The following CACNA1G variants were observed in gnomAD, a reference collection of about 807,000 sequenced individuals.
The protein encoded by CACNA1G is calcium voltage-gated channel subunit alpha1 G.
CACNA1G carries 67 observed loss-of-function variants against 219.4 expected under a neutral mutation model. That is an observed-to-expected ratio of 0.31 (90% CI 0.25 to 0.37). CACNA1G has a LOEUF of 0.37. Ranked by LOEUF, CACNA1G falls within the 10% of genes least tolerant of loss-of-function variation. The pLI, the probability that CACNA1G is intolerant of heterozygous loss-of-function variation, is 1.00. For synonymous variants in CACNA1G, 1,296 were observed against 1,345.3 expected (o/e 0.96, Z 0.80); for missense variants, 2,380 against 3,231.4 (o/e 0.74, Z 6.39).
chr17:50,569,316 G>A lies in CACNA1G; in HGVS notation c.488+18G>A. The A allele has an allele frequency of 6.2e-7, 1 of 1,613,026 alleles. No homozygotes were observed. Among genetic ancestry groups the A allele is most frequent in the Non-Finnish European group, 8.5e-7 (1 of 1,179,714 alleles). ...ATCGCAGGGTGAGGACCTGGGCTGG[G>A]GTGGGAGAGCAATGGATCAGATCGG... On this transcript the variant is annotated intron_variant, in intron 3 of 37. Transcript: ENST00000359106.
chr17:50,613,572 G>A (rs542145078), intron 26 of CACNA1G, among the ~76,000 whole-genome samples: 12 of 152,234 alleles, frequency 7.9e-5, no homozygotes, highest in Admixed American at 7.2e-4. Context: ...GGGAGAGGAG[G>A]GCAACTCTCC....
Position 50,572,583 on chromosome 17 carries a change from A to T in CACNA1G, c.776A>T (p.Tyr259Phe). The change falls in exon 6 of 38, where the codon TAC becomes TTC. Residue 259 changes from tyrosine to phenylalanine, a missense_variant. Physicochemically the swap from Tyr to Phe is conservative, Grantham distance 22. Transcript: ENST00000359106. ...LPLSVDLERY[Y>F]QTENEDESPF... ...CTGAGCGTGGACCTGGAGCGCTATT[A>T]CCAGACAGAGAACGAGGATGAGAGC... 6.3e-7 allele frequency: 1 copy of T among 1,576,894 alleles called. No homozygotes were observed. The highest frequency in any genetic ancestry group is 8.6e-7 in the Non-Finnish European group (1 of 1,161,726).
Position 50,626,157 on chromosome 17 carries a change from C to G in CACNA1G, c.6540C>G (p.His2180Gln), listed in dbSNP as rs765221852. ...WGQSSTQAQQ[H>Q]SRSHSKISKH... ...AGTCAAGTACCCAGGCACAGCAGCA[C>G]TCCCGCAGCCACAGCAAGATCTCCA... is the stretch of plus-strand genomic sequence containing the variant. The change falls in exon 38 of 38, where the codon CAC becomes CAG. Residue 2180 changes from histidine to glutamine, a missense_variant. By Grantham distance (24) the His-to-Gln change is conservative (BLOSUM62 0). This residue lies in a region of CACNA1G where 672 missense variants were observed against 670.5 expected (regional missense o/e 1.00). Coordinates refer to ENST00000359106, the MANE Select transcript of CACNA1G (RefSeq NM_018896.5). This position sits in a 1 kb window ranked among gnomAD's most constrained non-coding sequence, Gnocchi z 4.3. The G allele has an allele frequency of 1.2e-5, 19 of 1,613,702 alleles. No individual in the cohort carries two copies. In the South Asian group the frequency reaches 2.0e-4, roughly 17 times the overall value.
Position 50,599,653 on chromosome 17 carries a change from G to A in CACNA1G, c.3484G>A (p.Gly1162Arg), listed in dbSNP as rs780935785. Residue 1162 changes from glycine to arginine, a missense_variant, in exon 17 of 38, where the codon GGG (glycine) becomes AGG (arginine). Physicochemically the swap from Gly to Arg is moderately radical, Grantham distance 125. Around this residue, in one of 17 missense-constraint regions of CACNA1G, gnomAD observed 418 missense variants for 434.3 expected, o/e 0.96. Transcript: ENST00000359106. Reference protein sequence around the residue: ...SPAGSDHRHRGSLEREAKSSF... With the variant: ...SPAGSDHRHRRSLEREAKSSF... ...TGCGGGCAGTGACCATCGCCACAGGGGGTCCCTGGAGCGGGAGGCCAAGAG... is the reference window on the plus strand; with the variant it reads ...TGCGGGCAGTGACCATCGCCACAGGAGGTCCCTGGAGCGGGAGGCCAAGAG... The A allele has an allele frequency of 1.2e-6, 2 of 1,613,114 alleles. No homozygotes were observed. The highest frequency in any genetic ancestry group is 8.5e-7 in the Non-Finnish European group (1 of 1,179,570).
chr17:50,575,184 G>A (rs1411032152), intron 7 of CACNA1G, among the ~76,000 whole-genome samples: 1 of 152,214 alleles, frequency 6.6e-6, no homozygotes, highest in Non-Finnish European at 1.5e-5. Context: ...AAGGGGTGCT[G>A]CGTCTCTGCA....
chr17:50,576,018 C>G lies in CACNA1G; in HGVS notation c.1616C>G (p.Thr539Arg), dbSNP rs368633652. The G allele has an allele frequency of 1.3e-6, 2 of 1,562,236 alleles. No individual in the cohort carries two copies. Among genetic ancestry groups the G allele is most frequent in the African/African-American group, 1.4e-5 (1 of 73,554 alleles). Residue 539 changes from threonine (T) to arginine (R), a missense_variant, in exon 8 of 38, where the codon ACG (threonine) becomes AGG (arginine). This residue lies in a region of CACNA1G where 434 missense variants were observed against 417.3 expected (regional missense o/e 1.04). Coordinates refer to ENST00000359106, the MANE Select transcript of CACNA1G (RefSeq NM_018896.5). ...SRRLMLPPPS[T>R]PALSGAPPGG... ...CGGCTCATGCTGCCACCACCCTCGA[C>G]GCCTGCCCTCTCCGGGGCCCCCCCT...
At chr17:50,597,023 C>A in intron 16 of CACNA1G, 100 bp downstream of exon 16, 1 of 1,135,214 alleles carries the variant, frequency 8.8e-7, no homozygotes. Flanking sequence ...ACAGCCCCTG[C>A]CCCATGGGCT....
At position 50,561,376 on chromosome 17, in the gene CACNA1G, G is replaced by C. The variant is rs2035538508; in HGVS notation, c.-84G>C. ...GCCCACCAGATGTGCCCCCGCCGGGGCCCCCGGGTTGCGTGAGGACACCTC... is the reference window on the plus strand; with the variant it reads ...GCCCACCAGATGTGCCCCCGCCGGGCCCCCCGGGTTGCGTGAGGACACCTC... On this transcript the variant is annotated 5_prime_UTR_variant, in exon 1 of 38. Coordinates refer to ENST00000359106, the MANE Select transcript of CACNA1G (RefSeq NM_018896.5). The C allele has an allele frequency of 2.6e-6, 4 of 1,517,344 alleles. No homozygotes were observed. The African/African-American group carries it at 4.1e-5, about 16-fold the overall frequency. 94.0% of individuals were successfully genotyped at this position (1,517,344 alleles called of 1,614,324 possible). A position where few individuals can be genotyped will look rare whatever the true frequency, so the allele number is the denominator to read the frequency against.
chr17:50,577,782 G>T (rs1250519772), intron 8 of CACNA1G, among the ~76,000 whole-genome samples: 2 of 152,134 alleles, frequency 1.3e-5, no homozygotes, highest in Non-Finnish European at 2.9e-5. Flanking sequence ...GGGTGTGTGT[G>T]CAAGTGCACG....
Position 50,618,871 on chromosome 17 carries a change from C to T in CACNA1G, c.5644C>T (p.Pro1882Ser). The T allele has an allele frequency of 6.2e-7, 1 of 1,612,772 alleles. No homozygotes were observed. The highest frequency in any genetic ancestry group is 1.1e-5 in the South Asian group (1 of 91,022). ...GGAGATGAAGACCCTCAGCCCCCAGCCCCACTCGCCACTGGGCAGCCCCTT... is the reference window on the plus strand; with the variant it reads ...GGAGATGAAGACCCTCAGCCCCCAGTCCCACTCGCCACTGGGCAGCCCCTT... ...ELEMKTLSPQ[P>S]HSPLGSPFLW... The change falls in exon 33 of 38, where the codon CCC becomes TCC. Residue 1882 changes from proline to serine, a missense_variant. Transcript: ENST00000359106. The surrounding 1 kb of genome is among the most constrained non-coding windows in gnomAD (Gnocchi z 5.3).
chr17:50,605,825 G>T (rs553033728), intron 22 of CACNA1G, 73 bp from the exon 23 acceptor site: 177 of 1,560,640 alleles, frequency 1.1e-4, no homozygotes, highest in South Asian at 1.0e-3. Flanking sequence ...CTGGCGTGGG[G>T]GTGGGGCTCA....
chr17:50,572,874 G>T lies in CACNA1G; in HGVS notation c.1047+20G>T. On this transcript the variant is annotated intron_variant, in intron 6 of 37. Coordinates refer to ENST00000359106, the MANE Select transcript of CACNA1G (RefSeq NM_018896.5). Reference sequence around the variant, plus strand: ...TTCCAGGTGGGGCAGCCTGGGCCCCGGGAGCTTCCCCAGAACACCAGCCCC... The same window carrying T: ...TTCCAGGTGGGGCAGCCTGGGCCCCTGGAGCTTCCCCAGAACACCAGCCCC... 6.2e-7 allele frequency: 1 copy of T among 1,606,064 alleles called. No homozygotes were observed. The highest frequency in any genetic ancestry group is 8.5e-7 in the Non-Finnish European group (1 of 1,175,622).
chr17:50,581,710 G>A (rs989697608), intron 9 of CACNA1G, among the ~76,000 whole-genome samples: 4 of 152,234 alleles, frequency 2.6e-5, no homozygotes, highest in African/African-American at 9.6e-5. Flanking sequence ...GAGGGCTGGT[G>A]AGAAGGACAA....
intron 9 of CACNA1G, among the ~76,000 whole-genome samples, chr17:50,583,341 T>C (rs1315787976): frequency 6.6e-6 from 1 of 152,178 alleles, no homozygotes; most frequent in East Asian, 1.9e-4. Context: ...AGGTGTTCTC[T>C]TGTTCTTTTA....
chr17:50,572,664 C>T lies in CACNA1G; in HGVS notation c.857C>T (p.Pro286Leu). The T allele has an allele frequency of 6.2e-7, 1 of 1,608,874 alleles. No homozygotes were observed. The highest frequency in any genetic ancestry group is 8.5e-7 in the Non-Finnish European group (1 of 1,177,654). The part of the protein sequence containing the change: ...ENGMRSCRSV[P>L]TLRGDGGGGP... ...GGCATGCGGTCCTGCAGAAGCGTGC[C>T]CACGCTGCGCGGGGACGGGGGCGGT... The change falls in exon 6 of 38, where the codon CCC (proline) becomes CTC (leucine). Residue 286 changes from proline (P) to leucine (L), a missense_variant. By Grantham distance (98) the Pro-to-Leu change is moderately conservative. Around this residue, in one of 17 missense-constraint regions of CACNA1G, gnomAD observed 68 missense variants for 85.3 expected, o/e 0.80. Coordinates refer to ENST00000359106, the MANE Select transcript of CACNA1G (RefSeq NM_018896.5).
intron 9 of CACNA1G, among the ~76,000 whole-genome samples, chr17:50,587,567 C>T (rs931886038): frequency 3.9e-5 from 6 of 152,234 alleles, no homozygotes; most frequent in African/African-American, 1.4e-4. Context: ...GAGGAGGGCT[C>T]TTTTTCCATG....
At chr17:50,608,892 G>T (rs933453302) in intron 25 of CACNA1G, among the ~76,000 whole-genome samples, 1 of 152,152 alleles carries the variant, frequency 6.6e-6, no homozygotes. Flanking sequence ...CTGGTACAGC[G>T]TAATCTCCGC....
intron 9 of CACNA1G, among the ~76,000 whole-genome samples, chr17:50,587,057 T>G (rs12451979): frequency 6.6e-6 from 1 of 151,970 alleles, no homozygotes; most frequent in Non-Finnish European, 1.5e-5. Flanking sequence ...AGGCTAGACC[T>G]GGGAAGGGAC....
chr17:50,602,081 C>G (rs570176605), intron 19 of CACNA1G, among the ~76,000 whole-genome samples: 2 of 152,328 alleles, frequency 1.3e-5, no homozygotes, highest in East Asian at 3.9e-4. Context: ...TGCACTCCAG[C>G]CTTGGCTGCC....
Sources: allele counts gnomAD v4.1 joint callset (sites outside exome capture counted in the v4.1 genomes callset), GRCh38; gene constraint gnomAD v4.1.1; regional missense constraint gnomAD v4.1.1; non-coding constraint Gnocchi (gnomAD v3.1); transcripts MANE v1.5; gene names NCBI Gene and HGNC (gene_info 2026-07-23, HGNC 2026-07-21).